Variants in AKT3 observed in about 807,000 individuals in gnomAD.
The protein encoded by AKT3 is AKT serine/threonine kinase 3.
AKT3 carries 15 observed loss-of-function variants against 65.3 expected under a neutral mutation model. The observed-to-expected ratio is 0.23, with a 90% CI of 0.15 to 0.35. The LOEUF is 0.35. Ranked by LOEUF, AKT3 falls within the 10% of genes least tolerant of loss-of-function variation. The probability of loss-of-function intolerance (pLI) is 1.00; values close to 1 mark genes in which losing one functional copy is unlikely to be tolerated. For missense variants in AKT3, 243 were observed against 576.5 expected (o/e 0.42, Z 5.92); for synonymous variants, 206 against 183.8 (o/e 1.12, Z -0.98).
intron 4 of AKT3, among the ~76,000 whole-genome samples, chr1:243,653,452 T>C (rs1168027038): frequency 6.6e-6 from 1 of 152,182 alleles, no homozygotes; most frequent in Non-Finnish European, 1.5e-5. Context: ...TCTGAAACTA[T>C]TCCAAACAAT....
chr1:243,756,142 A>C (rs1200689911), intron 2 of AKT3, among the ~76,000 whole-genome samples: 2 of 152,238 alleles, frequency 1.3e-5, no homozygotes, highest in Non-Finnish European at 2.9e-5. Context: ...ATGTCAATAC[A>C]AATTCAGTTT....
At chr1:243,753,836 T>C (rs1558780344) in intron 2 of AKT3, among the ~76,000 whole-genome samples, 1 of 152,172 alleles carries the variant, frequency 6.6e-6, no homozygotes, top group African/African-American at 2.4e-5. Flanking sequence ...CAGAACTAAA[T>C]TGAAGGGCTA....
chr1:243,642,485 A>G (rs948524230), intron 5 of AKT3, among the ~76,000 whole-genome samples: 2 of 151,948 alleles, frequency 1.3e-5, no homozygotes, highest in Non-Finnish European at 2.9e-5. Context: ...AATTTTTTGT[A>G]TTTTTAGTAG....
chr1:243,515,447 A>G (rs1182402822), intron 12 of AKT3, among the ~76,000 whole-genome samples: 1 of 150,564 alleles, frequency 6.6e-6, no homozygotes, highest in Non-Finnish European at 1.5e-5. Flanking sequence ...TTGTTTAAAT[A>G]AGTTTTAAAA....
At chr1:243,596,712 T>C (rs10159392) in intron 8 of AKT3, among the ~76,000 whole-genome samples, 8,846 of 152,244 alleles carry the variant, frequency 0.058, 328 homozygotes, top group Non-Finnish European at 0.075. Flanking sequence ...CCAACAATCA[T>C]ACTCTTCAGT....
At chr1:243,497,120 G>A (rs1342756455), downstream of AKT3, among the ~76,000 whole-genome samples, 1 of 152,202 alleles carries the variant, frequency 6.6e-6, no homozygotes, top group African/African-American at 2.4e-5. Context: ...TGGTGTTGAT[G>A]ACAGGACTTC....
intron 11 of AKT3, among the ~76,000 whole-genome samples, chr1:243,550,414 T>C (rs1672967632): frequency 6.6e-6 from 1 of 152,074 alleles, no homozygotes; most frequent in Non-Finnish European, 1.5e-5. Context: ...TTGCCTCACA[T>C]TCATTCAATA....
At chr1:243,612,147 C>T (rs1677916794) in intron 8 of AKT3, among the ~76,000 whole-genome samples, 1 of 151,758 alleles carries the variant, frequency 6.6e-6, no homozygotes. Context: ...AATGCTCTGT[C>T]ACCCAGGCTG....
chr1:243,822,940 A>G (rs1174435279), intron 2 of AKT3, among the ~76,000 whole-genome samples: 1 of 152,194 alleles, frequency 6.6e-6, no homozygotes, highest in African/African-American at 2.4e-5. Context: ...TGAGGCCAGC[A>G]ACAACCTGAC....
chr1:243,778,124 A>G (rs1343906616), intron 2 of AKT3, among the ~76,000 whole-genome samples: 2 of 152,176 alleles, frequency 1.3e-5, no homozygotes, highest in African/African-American at 4.8e-5. Context: ...GCATTCCTGC[A>G]TGTCTCCATT....
chr1:243,696,268 A>G lies in AKT3; in HGVS notation c.47-552T>C, dbSNP rs191229590. Among the ~76,000 whole-genome samples, 10 of 152,090 alleles carry G rather than the reference A, an allele frequency of 6.6e-5. No individual in the cohort carries two copies. In the East Asian group the frequency reaches 1.9e-3, roughly 29 times the overall value. On this transcript the variant is annotated intron_variant, in intron 2 of 13. Coordinates refer to ENST00000673466, the MANE Select transcript of AKT3 (RefSeq NM_005465.7). The stretch of plus-strand genomic sequence containing the variant: ...TAACCTTTTTGCAATGCTGTACTTA[A>G]GAAAACGAAAGAACATGGGTTAACA...
intron 6 of AKT3, among the ~76,000 whole-genome samples, chr1:243,621,133 G>A (rs1349814382): frequency 6.6e-6 from 1 of 152,070 alleles, no homozygotes; most frequent in Non-Finnish European, 1.5e-5. Flanking sequence ...ATACTTAAAT[G>A]TACACACTAA....
intron 3 of AKT3, among the ~76,000 whole-genome samples, chr1:243,674,422 A>G (rs1478123517): frequency 6.6e-6 from 1 of 152,228 alleles, no homozygotes; most frequent in Non-Finnish European, 1.5e-5. Context: ...TATGAAGTAC[A>G]CAGACTCACG....
intron 2 of AKT3, chr1:243,735,133 A>G (rs187502791): frequency 6.6e-6 from 1 of 152,320 alleles, no homozygotes; most frequent in African/African-American, 2.4e-5. Context: ...AAAAGAAAAT[A>G]AAGCAGAGAG....
At chr1:243,632,965 A>G (rs927651041) in intron 6 of AKT3, among the ~76,000 whole-genome samples, 2 of 152,170 alleles carry the variant, frequency 1.3e-5, no homozygotes, top group African/African-American at 4.8e-5. Flanking sequence ...TTGAACTTCT[A>G]TCAAGACCAC....
chr1:243,643,696 T>C (rs922415802), intron 5 of AKT3, among the ~76,000 whole-genome samples: 11 of 152,224 alleles, frequency 7.2e-5, no homozygotes, highest in Non-Finnish European at 8.8e-5. Flanking sequence ...CCCTATTTCA[T>C]GCAAGAAATA....
Position 243,700,638 on chromosome 1 carries a change from G to A in AKT3, c.47-4922C>T, listed in dbSNP as rs531331024. Among the ~76,000 whole-genome samples the A allele has an allele frequency of 4.6e-5, 7 of 151,882 alleles. No individual in the cohort carries two copies. In the South Asian group the frequency reaches 1.5e-3, roughly 32 times the overall value. On this transcript the variant is annotated intron_variant, in intron 2 of 13. Transcript: ENST00000673466. The stretch of plus-strand genomic sequence containing the variant: ...CCTGCCTCAGCCTCCCGAGTAGCTG[G>A]GATTACAGGTGCGCACCACCACACC...
rs918237068 is a variant in AKT3 at position 243,504,823 on chromosome 1, G to C, written c.*426C>G. 4.6e-6 allele frequency: 1 copy of C among 215,540 alleles called. No homozygotes were observed. Among genetic ancestry groups the C allele is most frequent in the Non-Finnish European group, 9.3e-6 (1 of 107,254 alleles). The allele number at this position is 215,540 out of a possible 1,614,324, so 13.4% of individuals were successfully genotyped here. On this transcript the variant is annotated 3_prime_UTR_variant, in exon 14 of 14. Coordinates refer to ENST00000673466, the MANE Select transcript of AKT3 (RefSeq NM_005465.7). Reference sequence around the variant, plus strand: ...TTATAAACTAAATCTTCTTAGTCTAGTTAGTTTTTCTCTTCTAGAAAGTTA... The same window carrying C: ...TTATAAACTAAATCTTCTTAGTCTACTTAGTTTTTCTCTTCTAGAAAGTTA...
intron 8 of AKT3, among the ~76,000 whole-genome samples, chr1:243,608,988 G>A (rs901742296): frequency 1.2e-4 from 18 of 151,406 alleles, no homozygotes; most frequent in African/African-American, 3.2e-4. Flanking sequence ...TCCTGACCTC[G>A]TGATCTGCCC....
Sources: gnomAD v4.1 joint callset for allele counts (sites outside exome capture counted in the v4.1 genomes callset) on GRCh38, gnomAD v4.1.1 for gene constraint, MANE v1.5 for transcripts, NCBI Gene and HGNC (gene_info 2026-07-23, HGNC 2026-07-21) for gene names.